The following SH3KBP1 variants were observed in gnomAD, a reference collection of about 807,000 sequenced individuals.
The protein encoded by SH3KBP1 is SH3 domain containing kinase binding protein 1.
A neutral mutation model predicts 50.1 loss-of-function variants in SH3KBP1; 8 were observed. The observed-to-expected ratio is 0.16, with a 90% confidence interval of 0.09 to 0.29. The LOEUF (loss-of-function observed/expected upper bound fraction) is 0.29, where lower values mean the gene tolerates loss of function less well. Ranked by LOEUF, SH3KBP1 falls within the 10% of genes least tolerant of loss-of-function variation. The probability of loss-of-function intolerance (pLI) is 1.00; values close to 1 mark genes in which losing one functional copy is unlikely to be tolerated. For synonymous variants in SH3KBP1, 227 were observed against 218.6 expected, an observed-to-expected ratio of 1.04 and a Z score of -0.34; for missense variants, 377 against 535.2, an observed-to-expected ratio of 0.70 and a Z score of 2.92.
intron 2 of SH3KBP1, among the ~76,000 whole-genome samples, chrX:19,773,603 TC>T (rs1239150490): frequency 9.2e-6 from 1 of 109,161 alleles, no homozygotes; most frequent in Admixed American, 9.8e-5. Context: ...ACGCCTGTCA[TC>T]CCAACACTTT....
At chrX:19,589,717 C>T (rs1448587479) in intron 11 of SH3KBP1, among the ~76,000 whole-genome samples, 3 of 110,320 alleles carry the variant, frequency 2.7e-5, no homozygotes, top group Non-Finnish European at 5.7e-5. Flanking sequence ...GGACTATAGG[C>T]AGGCTCCCTA....
chrX:19,558,821 T>A (rs757592513), intron 13 of SH3KBP1, among the ~76,000 whole-genome samples: 1 of 112,242 alleles, frequency 8.9e-6, no homozygotes, highest in Non-Finnish European at 1.9e-5. Context: ...TTTTTAAGCA[T>A]GACAAAACAG....
At chrX:19,875,085 T>C (rs762297688) in intron 1 of SH3KBP1, among the ~76,000 whole-genome samples, 2 of 110,911 alleles carry the variant, frequency 1.8e-5, no homozygotes, top group African/African-American at 6.6e-5. Context: ...GCGGTGGCTG[T>C]TTTTTACAAT....
chrX:19,841,278 T>C (rs775711329), intron 1 of SH3KBP1, among the ~76,000 whole-genome samples: 2 of 111,895 alleles, frequency 1.8e-5, no homozygotes, highest in Admixed American at 1.9e-4. Context: ...CACACTGACT[T>C]ACCCCAACTA....
chrX:19,782,316 C>T (rs918273484), intron 2 of SH3KBP1, among the ~76,000 whole-genome samples: 1 of 111,798 alleles, frequency 8.9e-6, no homozygotes, highest in Non-Finnish European at 1.9e-5. Context: ...CCTAGAACAC[C>T]GTTGGAGGGC....
At chrX:19,878,788 T>C (rs2069343203) in intron 1 of SH3KBP1, among the ~76,000 whole-genome samples, 2 of 111,561 alleles carry the variant, frequency 1.8e-5, no homozygotes, top group Admixed American at 9.5e-5. Context: ...TTGCAAAGCA[T>C]TGTGAATATA....
intron 1 of SH3KBP1, among the ~76,000 whole-genome samples, chrX:19,842,870 C>T (rs1187170513): frequency 9.0e-6 from 1 of 111,077 alleles, no homozygotes; most frequent in Non-Finnish European, 1.9e-5. Flanking sequence ...CTTTCTCAGA[C>T]CTGATCCTCT....
At chrX:19,785,948 T>C (rs186388471) in intron 2 of SH3KBP1, among the ~76,000 whole-genome samples, 325 of 111,367 alleles carry the variant, frequency 2.9e-3, no homozygotes, top group African/African-American at 0.01. Flanking sequence ...GGAGCTGGTG[T>C]GTCATGGGTG....
At chrX:19,638,408 CAAAA>C (rs59079416) in intron 7 of SH3KBP1, among the ~76,000 whole-genome samples, 2 of 42,064 alleles carry the variant, frequency 4.8e-5, no homozygotes. Context: ...GACTCCGTCT[CAAAA>C]AAAAAAAAAA....
intron 3 of SH3KBP1, among the ~76,000 whole-genome samples, chrX:19,741,954 C>T (rs1193071071): frequency 8.9e-6 from 1 of 111,872 alleles, no homozygotes; most frequent in Non-Finnish European, 1.9e-5. Context: ...TCTCTGCATG[C>T]ACTGTTAACA....
chrX:19,626,070 G>C lies in SH3KBP1; in HGVS notation c.897+5794C>G, dbSNP rs555198216. The stretch of plus-strand genomic sequence containing the variant: ...CTCCGGGGAGACTCCTGAGGAAAGG[G>C]GAATGGTGATGATGGTCCCGGGCTC... On this transcript the variant is annotated intron_variant, in intron 8 of 17. Coordinates refer to ENST00000397821, the MANE Select transcript of SH3KBP1 (RefSeq NM_031892.3). Among the ~76,000 whole-genome samples, 15 of 111,854 alleles carry C rather than the reference G, an allele frequency of 1.3e-4. No homozygotes were observed. The South Asian group carries it at 2.2e-3, about 17-fold the overall frequency.
chrX:19,571,444 C>A (rs1427425720), intron 12 of SH3KBP1, among the ~76,000 whole-genome samples: 1 of 112,212 alleles, frequency 8.9e-6, no homozygotes, highest in East Asian at 2.8e-4. Context: ...GATCCCGAGC[C>A]AACAGAAAGG....
chrX:19,556,156 TTC>T (rs2065481103), intron 13 of SH3KBP1, among the ~76,000 whole-genome samples: 1 of 112,329 alleles, frequency 8.9e-6, no homozygotes, highest in Non-Finnish European at 1.9e-5. Flanking sequence ...AGATTATTCT[TTC>T]GTAAATGAGA....
intron 9 of SH3KBP1, among the ~76,000 whole-genome samples, chrX:19,606,083 TA>T (rs1324031491): frequency 2.7e-5 from 3 of 112,117 alleles, no homozygotes; most frequent in Non-Finnish European, 5.6e-5. Flanking sequence ...TGGTAAATAG[TA>T]ATTATAAAGA....
chrX:19,805,525 T>TA (rs776692061), intron 2 of SH3KBP1, among the ~76,000 whole-genome samples: 4,140 of 76,376 alleles, frequency 0.054, 254 homozygotes, highest in African/African-American at 0.16. Context: ...GGCTGCATAT[T>TA]AAAAAAAAAA....
intron 8 of SH3KBP1, among the ~76,000 whole-genome samples, chrX:19,630,325 C>A (rs184472411): frequency 8.9e-6 from 1 of 112,173 alleles, no homozygotes; most frequent in East Asian, 2.8e-4. Flanking sequence ...ATTTCTAAAA[C>A]CAAATTATCT....
At chrX:19,574,795 A>G (rs1040588560) in intron 12 of SH3KBP1, among the ~76,000 whole-genome samples, 2 of 112,423 alleles carry the variant, frequency 1.8e-5, no homozygotes, top group African/African-American at 6.5e-5. Flanking sequence ...GCAGATCCCC[A>G]TGTATATGTC....
chrX:19,568,564 CG>C (rs1255267961), intron 13 of SH3KBP1, among the ~76,000 whole-genome samples: 1 of 112,195 alleles, frequency 8.9e-6, no homozygotes, highest in Non-Finnish European at 1.9e-5. Context: ...CACCCACTCA[CG>C]TACACCTCCA....
chrX:19,637,198 T>A (rs767331060), intron 7 of SH3KBP1, among the ~76,000 whole-genome samples: 1 of 112,420 alleles, frequency 8.9e-6, no homozygotes, highest in African/African-American at 3.2e-5. Context: ...AGTAAATGGA[T>A]GACTGGTCAC....
Sources: allele counts gnomAD v4.1 joint callset (sites outside exome capture counted in the v4.1 genomes callset), GRCh38; gene constraint gnomAD v4.1.1; transcripts MANE v1.5; gene names NCBI Gene and HGNC (gene_info 2026-07-23, HGNC 2026-07-21).